The following ANO3 variants were observed in gnomAD, a reference collection of about 807,000 sequenced individuals.
ANO3 encodes anoctamin 3, also known as anoctamin-3.
Under a neutral mutation model 144.8 loss-of-function variants are expected in ANO3, and 99 were observed. That is an observed-to-expected ratio of 0.68 (90% CI 0.58 to 0.81). ANO3 has a LOEUF of 0.81. Ranked by LOEUF, ANO3 falls within the 30% of genes least tolerant of loss-of-function variation. The probability of loss-of-function intolerance (pLI) is 0.00; values close to 1 mark genes in which losing one functional copy is unlikely to be tolerated. For missense variants in ANO3, 905 were observed against 1,202.2 expected (o/e 0.75, Z 3.66); for synonymous variants, 414 against 392.6 (o/e 1.05, Z -0.64).
intron 1 of ANO3, among the ~76,000 whole-genome samples, chr11:26,292,892 C>T (rs934636009): frequency 2.0e-5 from 3 of 152,090 alleles, no homozygotes; most frequent in Non-Finnish European, 4.4e-5. Flanking sequence ...CAGGGACCCA[C>T]GAGGAGGCAG....
chr11:26,244,728 C>T (rs1237053471), intron 1 of ANO3, among the ~76,000 whole-genome samples: 1 of 152,086 alleles, frequency 6.6e-6, no homozygotes, highest in Non-Finnish European at 1.5e-5. Context: ...AATGGCAATA[C>T]TGTTAGTACT....
At chr11:26,269,969 C>T (rs1221241607) in intron 1 of ANO3, among the ~76,000 whole-genome samples, 7 of 152,154 alleles carry the variant, frequency 4.6e-5, no homozygotes, top group African/African-American at 1.7e-4. Flanking sequence ...AGAACACAAA[C>T]ACACACAGAG....
At chr11:26,474,929 G>A (rs1403593525) in intron 4 of ANO3, among the ~76,000 whole-genome samples, 1 of 151,672 alleles carries the variant, frequency 6.6e-6, no homozygotes, top group Non-Finnish European at 1.5e-5. Flanking sequence ...CTTCCACTAA[G>A]GGAATATTTA....
chr11:26,478,841 T>G (rs991146657), intron 4 of ANO3, among the ~76,000 whole-genome samples: 2 of 152,132 alleles, frequency 1.3e-5, no homozygotes, highest in Non-Finnish European at 2.9e-5. Flanking sequence ...AATGACTACG[T>G]GTAGTCATCA....
chr11:26,610,765 C>T (rs1336157747), intron 17 of ANO3, among the ~76,000 whole-genome samples: 3 of 151,898 alleles, frequency 2.0e-5, no homozygotes, highest in African/African-American at 7.3e-5. Flanking sequence ...AATTTTAGGT[C>T]CTAGGCCTTT....
At chr11:26,398,450 A>G (rs559548448) in intron 1 of ANO3, among the ~76,000 whole-genome samples, 1 of 152,228 alleles carries the variant, frequency 6.6e-6, no homozygotes, top group South Asian at 2.1e-4. Flanking sequence ...TATGACTAAA[A>G]AAGCATGAAC....
chr11:26,590,959 C>T (rs1009195995), intron 14 of ANO3, among the ~76,000 whole-genome samples: 2 of 152,178 alleles, frequency 1.3e-5, no homozygotes, highest in African/African-American at 4.8e-5. Context: ...ACTCCCGTCT[C>T]GAATGCCTAG....
intron 4 of ANO3, among the ~76,000 whole-genome samples, chr11:26,487,602 AAAG>A (rs1367920281): frequency 6.6e-6 from 1 of 152,106 alleles, no homozygotes; most frequent in Admixed American, 6.6e-5. Context: ...GGAACCTCCT[AAAG>A]ACTGGTTAAG....
chr11:26,388,890 A>G (rs1856804030), intron 1 of ANO3, among the ~76,000 whole-genome samples: 1 of 152,060 alleles, frequency 6.6e-6, no homozygotes, highest in Non-Finnish European at 1.5e-5. Flanking sequence ...CACGTTTACT[A>G]CACAGCCTTC....
intron 1 of ANO3, among the ~76,000 whole-genome samples, chr11:26,369,746 T>C (rs1856196405): frequency 6.6e-6 from 1 of 152,202 alleles, no homozygotes; most frequent in African/African-American, 2.4e-5. Context: ...TCCTTACAGT[T>C]TTTTTTCTTC....
At chr11:26,587,999 A>G (rs1447350854) in intron 14 of ANO3, among the ~76,000 whole-genome samples, 1 of 152,042 alleles carries the variant, frequency 6.6e-6, no homozygotes, top group African/African-American at 2.4e-5. Flanking sequence ...TTTTCATTAG[A>G]ATCAAGTCAT....
intron 1 of ANO3, among the ~76,000 whole-genome samples, chr11:26,339,643 T>C (rs774878267): frequency 1.3e-5 from 2 of 152,154 alleles, no homozygotes; most frequent in Non-Finnish European, 2.9e-5. Flanking sequence ...TCAGGGCAGA[T>C]TTTTATTATT....
intron 17 of ANO3, among the ~76,000 whole-genome samples, chr11:26,618,778 C>G (rs997137402): frequency 1.3e-5 from 2 of 152,140 alleles, no homozygotes; most frequent in Non-Finnish European, 1.5e-5. Context: ...GTCTCTTTCT[C>G]CACAGTGCTT....
chr11:26,485,123 G>A (rs1433986130), intron 4 of ANO3, among the ~76,000 whole-genome samples: 1 of 152,164 alleles, frequency 6.6e-6, no homozygotes, highest in African/African-American at 2.4e-5. Context: ...GCTGAAATTA[G>A]TTAAGACTTT....
At chr11:26,659,380 A>G (rs531545062) in intron 26 of ANO3, among the ~76,000 whole-genome samples, 1 of 150,650 alleles carries the variant, frequency 6.6e-6, no homozygotes, top group East Asian at 2.0e-4. Context: ...TTTTTAATGC[A>G]TTACTTTTGT....
At chr11:26,250,807 A>T (rs1463186547) in intron 1 of ANO3, among the ~76,000 whole-genome samples, 2 of 152,208 alleles carry the variant, frequency 1.3e-5, no homozygotes, top group African/African-American at 4.8e-5. Flanking sequence ...GTCGGGTTAC[A>T]TCCCAGTAAA....
intron 14 of ANO3, among the ~76,000 whole-genome samples, chr11:26,588,020 T>A (rs558264527): frequency 2.6e-5 from 4 of 152,206 alleles, no homozygotes; most frequent in African/African-American, 7.2e-5. Context: ...ATAATCTTTT[T>A]AATCACTGAT....
intron 4 of ANO3, among the ~76,000 whole-genome samples, chr11:26,504,474 CT>C (rs1861333098): frequency 6.6e-6 from 1 of 152,176 alleles, no homozygotes; most frequent in South Asian, 2.1e-4. Flanking sequence ...CCTTCGTAAA[CT>C]TTATATCCTT....
chr11:26,530,773 G>A (rs984773650), intron 7 of ANO3, among the ~76,000 whole-genome samples: 8 of 152,112 alleles, frequency 5.3e-5, no homozygotes, highest in African/African-American at 1.9e-4. Context: ...GGAGGCTGAG[G>A]CAGGAGAATC....
Sources: allele counts gnomAD v4.1 joint callset (sites outside exome capture counted in the v4.1 genomes callset), GRCh38; gene constraint gnomAD v4.1.1; transcripts MANE v1.5; gene names NCBI Gene and HGNC (gene_info 2026-07-23, HGNC 2026-07-21).